TXNDC2: variants seen among roughly 807,000 people sequenced by gnomAD.
The protein encoded by TXNDC2 is thioredoxin domain containing 2.
A neutral mutation model predicts 0.4 loss-of-function variants in TXNDC2; 1 was observed. That is an observed-to-expected ratio of 2.30 (90% CI 0.82 to 10.89). The LOEUF is 10.89. Ranked by LOEUF, TXNDC2 falls within the 30% of genes most tolerant of loss-of-function variation. The pLI, the probability that TXNDC2 is intolerant of heterozygous loss-of-function variation, is 0.12. For missense variants in TXNDC2, 509 were observed against 579.8 expected (o/e 0.88, Z 1.25); for synonymous variants, 183 against 224.6 (o/e 0.81, Z 1.66).
At position 9,886,586 on chromosome 18, in the gene TXNDC2, C is replaced by G. The variant is rs1280316044; in HGVS notation, c.-92-3C>G. 1.9e-6 allele frequency: 3 copies of G among 1,554,512 alleles called. No individual in the cohort carries two copies. In the African/African-American group the frequency reaches 4.2e-5, roughly 22 times the overall value. ...TTATTTTATTTTATGTTTTTTGGTA[C>G]AGAAAGCTCATTACTAGTCCTGTCC... On this transcript the variant is annotated splice_polypyrimidine_tract_variant and splice_region_variant and intron_variant, in intron 1 of 1. Transcript: ENST00000357775.
chr18:9,887,423 CCAAG>C lies in TXNDC2; in HGVS notation c.744_747del (p.Lys249ProfsTer17), dbSNP rs1246673673. ...ATCCAGCCCAAGGAGGGTGACATCC[CCAAG>C]TCCCCAGAAGAAGCCATCCAGCCCA... On this transcript the variant is annotated frameshift_variant, in exon 2 of 2. Coordinates refer to ENST00000357775, the MANE Select transcript of TXNDC2 (RefSeq NM_032243.6). LOFTEE classifies it low-confidence loss of function (END_TRUNC). 4 of 1,080,804 alleles carry C rather than the reference CCAAG, an allele frequency of 3.7e-6. No individual in the cohort carries two copies. The African/African-American group carries it at 5.5e-5, about 15-fold the overall frequency. 67.0% of individuals were successfully genotyped at this position (1,080,804 alleles called of 1,614,324 possible). A position where few individuals can be genotyped will look rare whatever the true frequency, so the allele number is the denominator to read the frequency against.
In TXNDC2 at chr18:9,888,336, T is replaced by C; in HGVS notation, c.*195T>C. 2.0e-6 allele frequency: 1 copy of C among 506,308 alleles called. No individual in the cohort carries two copies. The allele number at this position is 506,308 out of a possible 1,614,324, so 31.4% of individuals were successfully genotyped here. On this transcript the variant is annotated 3_prime_UTR_variant, in exon 2 of 2. Transcript: ENST00000357775. ...TACATTGCGACTGTGTTTCTGTTAG[T>C]GGGAGAGTATAAAATTAGAAATTCC... is the stretch of plus-strand genomic sequence containing the variant.
In TXNDC2 at chr18:9,886,695, G is replaced by A. The variant is rs114777727; in HGVS notation, c.15G>A (p.Thr5=). MVSH[T]FHMRTEESDA... is the part of the protein sequence containing the mutation. ...CCTTTCTCCCCATGGTCAGCCACAC[G>A]TTCCACATGCGCACAGAGGAGTCTG... Residue 5 remains threonine, a synonymous_variant, in exon 2 of 2, where the codon ACG becomes ACA. Transcript: ENST00000357775. The A allele has an allele frequency of 6.4e-3, 10,292 of 1,614,108 alleles. 43 individuals are homozygous for A. The highest frequency in any genetic ancestry group is 8.0e-3 in the Non-Finnish European group (9,428 of 1,180,018).
chr18:9,886,887 G>A lies in TXNDC2; in HGVS notation c.207G>A (p.Lys69=), dbSNP rs1338803779. The change falls in exon 2 of 2, where the codon AAG becomes AAA. Residue 69 remains lysine, a synonymous_variant. Coordinates refer to ENST00000357775, the MANE Select transcript of TXNDC2 (RefSeq NM_032243.6). ...TIQSKKEDLP[K]SSEKAIQPKE... is the part of the protein sequence containing the mutation. Reference sequence around the variant, plus strand: ...AATCCAAGAAGGAGGACCTCCCCAAGTCCTCAGAAAAAGCCATCCAGCCCA... The same window carrying A: ...AATCCAAGAAGGAGGACCTCCCCAAATCCTCAGAAAAAGCCATCCAGCCCA... 6.2e-7 allele frequency: 1 copy of A among 1,605,772 alleles called. No homozygotes were observed. The highest frequency in any genetic ancestry group is 8.5e-7 in the Non-Finnish European group (1 of 1,175,244).
At position 9,888,729 on chromosome 18, in the gene TXNDC2, T is replaced by C. The variant is rs1471234120; in HGVS notation, c.*588T>C. 6.6e-6 allele frequency: 1 copy of C among 152,126 alleles called. No individual in the cohort carries two copies. Among genetic ancestry groups the C allele is most frequent in the Non-Finnish European group, 1.5e-5 (1 of 68,098 alleles). The allele number at this position is 152,126 out of a possible 1,614,324, so 9.4% of individuals were successfully genotyped here. On this transcript the variant is annotated 3_prime_UTR_variant, in exon 2 of 2. Transcript: ENST00000357775. ...CGCTTCCAGATTTCAAGTCCAGGGC[T>C]CTACCTACTATAATCTACGCTCACA...
In TXNDC2 at chr18:9,886,840, A is replaced by C. The variant is rs1177694532; in HGVS notation, c.160A>C (p.Lys54Gln). ...TIQPKEGDIPKAPEETIQSKK... is the reference protein window; with the variant it reads ...TIQPKEGDIPQAPEETIQSKK... ...CCAGCCCAAGGAGGGTGACATCCCC[A>C]AGGCCCCAGAAGAAACCATCCAATC... The change falls in exon 2 of 2, where the codon AAG becomes CAG. Residue 54 changes from lysine (K) to glutamine (Q), a missense_variant. Coordinates refer to ENST00000357775, the MANE Select transcript of TXNDC2 (RefSeq NM_032243.6). The C allele has an allele frequency of 1.2e-6, 2 of 1,611,076 alleles. No homozygotes were observed. Among genetic ancestry groups the C allele is most frequent in the East Asian group, 4.5e-5 (2 of 44,800 alleles).
At chr18:9,886,531 C>A (rs980525864) in intron 1 of TXNDC2, 58 bp from the exon 2 acceptor site, 10 of 1,390,480 alleles carry the variant, frequency 7.2e-6, no homozygotes, top group East Asian at 2.5e-5. Flanking sequence ...TTTGGTTCTT[C>A]TTTTGCATTT....
Position 9,888,134 on chromosome 18 carries a change from T to C in TXNDC2, c.1454T>C (p.Leu485Ser). The C allele has an allele frequency of 1.2e-6, 2 of 1,607,938 alleles. No individual in the cohort carries two copies. Among genetic ancestry groups the C allele is most frequent in the Non-Finnish European group, 1.7e-6 (2 of 1,176,286 alleles). Residue 485 changes from leucine (L) to serine (S), a missense_variant, in exon 2 of 2, where the codon TTA becomes TCA. Leu to Ser is a moderately radical substitution (Grantham distance 145). Around this residue, in one of 5 missense-constraint regions of TXNDC2, gnomAD observed 229 missense variants for 243.8 expected, o/e 0.94. Coordinates refer to ENST00000357775, the MANE Select transcript of TXNDC2 (RefSeq NM_032243.6). ...AAACTTGAAGCAGTCATTGCAGAAT[T>C]AAAGTAAACATGTATTCTGAAAACA... ...KEKLEAVIAE[L>S]K
chr18:9,888,001 G>A lies in TXNDC2; in HGVS notation c.1321G>A (p.Asp441Asn), dbSNP rs773443732. The part of the protein sequence containing the change: ...EDVVFLEVDA[D>N]NCEEVVRECA... ...TGTGGTGTTCCTGGAGGTGGACGCT[G>A]ACAACTGTGAGGAGGTGGTGAGAGA... The change falls in exon 2 of 2, where the codon GAC becomes AAC. Residue 441 changes from aspartate to asparagine, a missense_variant. Physicochemically the swap from Asp to Asn is conservative, Grantham distance 23. This residue lies in a region of TXNDC2 where 229 missense variants were observed against 243.8 expected (regional missense o/e 0.94). Coordinates refer to ENST00000357775, the MANE Select transcript of TXNDC2 (RefSeq NM_032243.6). 4 of 1,614,082 alleles carry A rather than the reference G, an allele frequency of 2.5e-6. No homozygotes were observed. The African/African-American group carries it at 4.0e-5, about 16-fold the overall frequency.
rs777162474 is a variant in TXNDC2 at position 9,888,741 on chromosome 18, A to T, written c.*600A>T. 1 of 151,868 alleles carries T rather than the reference A, an allele frequency of 6.6e-6. No homozygotes were observed. Among genetic ancestry groups the T allele is most frequent in the African/African-American group, 2.4e-5 (1 of 41,346 alleles). 9.4% of individuals were successfully genotyped at this position (151,868 alleles called of 1,614,324 possible). A position where few individuals can be genotyped will look rare whatever the true frequency, so the allele number is the denominator to read the frequency against. Reference sequence around the variant, plus strand: ...TCAAGTCCAGGGCTCTACCTACTATAATCTACGCTCACAAAATCTCAGACA... The same window carrying T: ...TCAAGTCCAGGGCTCTACCTACTATTATCTACGCTCACAAAATCTCAGACA... On this transcript the variant is annotated 3_prime_UTR_variant, in exon 2 of 2. Coordinates refer to ENST00000357775, the MANE Select transcript of TXNDC2 (RefSeq NM_032243.6).
In TXNDC2 at chr18:9,887,019, C is replaced by T. The variant is rs765317591; in HGVS notation, c.339C>T (p.Pro113=). The change falls in exon 2 of 2, where the codon CCC becomes CCT. Residue 113 remains proline (P), a synonymous_variant. Transcript: ENST00000357775. ...KPSQPKEGDI[P]KAPEETIQSK... Reference sequence around the variant, plus strand: ...GCCAGCCCAAGGAGGGTGACATCCCCAAGGCCCCAGAAGAAACCATCCAAT... The same window carrying T: ...GCCAGCCCAAGGAGGGTGACATCCCTAAGGCCCCAGAAGAAACCATCCAAT... 13 of 1,603,618 alleles carry T rather than the reference C, an allele frequency of 8.1e-6. No homozygotes were observed. The highest frequency in any genetic ancestry group is 1.7e-6 in the Non-Finnish European group (2 of 1,175,562).
Position 9,888,063 on chromosome 18 carries a change from T to TA in TXNDC2, c.1389dup (p.Glu464ArgfsTer6). 1.9e-6 allele frequency: 3 copies of TA among 1,614,102 alleles called. No individual in the cohort carries two copies. The highest frequency in any genetic ancestry group is 2.5e-6 in the Non-Finnish European group (3 of 1,179,994). ...TGTGTGTCCCAACCTTTCAGTTTTA[T>TA]AAAAAAGAAGAAAAGGTGGATGAAC... is the stretch of plus-strand genomic sequence containing the variant. On this transcript the variant is annotated frameshift_variant, in exon 2 of 2. Coordinates refer to ENST00000357775, the MANE Select transcript of TXNDC2 (RefSeq NM_032243.6). LOFTEE classifies it high-confidence loss of function.
Position 9,887,985 on chromosome 18 carries a change from C to T in TXNDC2, c.1305C>T (p.Phe435=). ...CTGTGAAGCATGAGGATGTGGTGTT[C>T]CTGGAGGTGGACGCTGACAACTGTG... ...ALSVKHEDVV[F]LEVDADNCEE... is the part of the protein sequence containing the mutation. The change falls in exon 2 of 2, where the codon TTC becomes TTT. Residue 435 remains phenylalanine (F), a synonymous_variant. Transcript: ENST00000357775. 1 of 1,614,140 alleles carries T rather than the reference C, an allele frequency of 6.2e-7. No homozygotes were observed. The highest frequency in any genetic ancestry group is 8.5e-7 in the Non-Finnish European group (1 of 1,180,042).
Position 9,886,058 on chromosome 18 carries a change from C to A in TXNDC2, c.-115C>A. ...TGTTGTGAATACAGAGAGGGAAAAC[C>A]AACTGTAACGTGCCACCCAAATGTA... On this transcript the variant is annotated 5_prime_UTR_variant, in exon 1 of 2. Transcript: ENST00000357775. 1 of 800,074 alleles carries A rather than the reference C, an allele frequency of 1.2e-6. No homozygotes were observed. The highest frequency in any genetic ancestry group is 2.0e-6 in the Non-Finnish European group (1 of 494,582). 49.6% of individuals were successfully genotyped at this position (800,074 alleles called of 1,614,324 possible). A position where few individuals can be genotyped will look rare whatever the true frequency, so the allele number is the denominator to read the frequency against.
In TXNDC2 at chr18:9,886,950, C is replaced by T; in HGVS notation, c.270C>T (p.Ile90=). The T allele has an allele frequency of 1.2e-6, 2 of 1,613,110 alleles. No individual in the cohort carries two copies. The highest frequency in any genetic ancestry group is 1.1e-5 in the South Asian group (1 of 90,966). ...SNIPKSSAKP[I]QPKLGNIPKA... ...TCCCCAAGTCCTCAGCAAAACCCATCCAGCCCAAGCTGGGCAATATTCCCA... is the reference window on the plus strand; with the variant it reads ...TCCCCAAGTCCTCAGCAAAACCCATTCAGCCCAAGCTGGGCAATATTCCCA... The change falls in exon 2 of 2, where the codon ATC becomes ATT. Residue 90 remains isoleucine, a synonymous_variant. Transcript: ENST00000357775.
At position 9,888,096 on chromosome 18, in the gene TXNDC2, C is replaced by T. The variant is rs560907041; in HGVS notation, c.1416C>T (p.Gly472=). The change falls in exon 2 of 2, where the codon GGC becomes GGT. Residue 472 remains glycine, a synonymous_variant. Transcript: ENST00000357775. ...AAGAAAAGGTGGATGAACTTTGCGG[C>T]GCCCTTAAGGAAAAACTTGAAGCAG... The part of the protein sequence containing the change: ...KKEEKVDELC[G]ALKEKLEAVI... 51 of 1,613,712 alleles carry T rather than the reference C, an allele frequency of 3.2e-5. No individual in the cohort carries two copies. The highest frequency in any genetic ancestry group is 6.7e-5 in the East Asian group (3 of 44,874).
At chr18:9,886,134 G>C (rs773422395) in intron 1 of TXNDC2, 54 bp downstream of exon 1, 1 of 1,547,964 alleles carries the variant, frequency 6.5e-7, no homozygotes, top group Admixed American at 1.7e-5. Flanking sequence ...AAAAGTTGGA[G>C]GGTACGGCCT....
rs531570220 is a variant in TXNDC2, at chr18:9,888,104, A to G, written c.1424A>G (p.Lys475Arg). 7 of 1,613,768 alleles carry G rather than the reference A, an allele frequency of 4.3e-6. No homozygotes were observed. The African/African-American group carries it at 8.0e-5, about 18-fold the overall frequency. Residue 475 changes from lysine to arginine, a missense_variant, in exon 2 of 2, where the codon AAG becomes AGG. By Grantham distance (26) the Lys-to-Arg change is conservative. This residue lies in a region of TXNDC2 where 229 missense variants were observed against 243.8 expected (regional missense o/e 0.94). Coordinates refer to ENST00000357775, the MANE Select transcript of TXNDC2 (RefSeq NM_032243.6). Reference sequence around the variant, plus strand: ...GTGGATGAACTTTGCGGCGCCCTTAAGGAAAAACTTGAAGCAGTCATTGCA... The same window carrying G: ...GTGGATGAACTTTGCGGCGCCCTTAGGGAAAAACTTGAAGCAGTCATTGCA... Reference protein sequence around the residue: ...EKVDELCGALKEKLEAVIAEL... With the variant: ...EKVDELCGALREKLEAVIAEL...
At chr18:9,886,351 C>T (rs771634687) in intron 1 of TXNDC2, 1 of 1,392,154 alleles carries the variant, frequency 7.2e-7, no homozygotes, top group Non-Finnish European at 1.0e-6. Flanking sequence ...GGGTGTTGAA[C>T]CAAGAAGGGA....
Sources: gnomAD v4.1 joint callset for allele counts on GRCh38, gnomAD v4.1.1 for gene constraint, gnomAD v4.1.1 regional missense constraint, MANE v1.5 for transcripts, NCBI Gene and HGNC (gene_info 2026-07-23, HGNC 2026-07-21) for gene names.